Variants in TJP1 observed in about 807,000 individuals in gnomAD.
TJP1 encodes the protein tight junction protein ZO-1.
TJP1 carries 43 observed loss-of-function variants against 194.2 expected under a neutral mutation model. The observed-to-expected ratio is 0.22, with a 90% CI of 0.17 to 0.29. TJP1 has a LOEUF of 0.29. TJP1 is among the 10% of genes least tolerant of loss of function. The pLI is 1.00. For synonymous variants in TJP1, 801 were observed against 779.0 expected (o/e 1.03, Z -0.47); for missense variants, 1,971 against 2,185.7 (o/e 0.90, Z 1.96).
At position 29,720,491 on chromosome 15, in the gene TJP1, G is replaced by A. The variant is rs1410814511; in HGVS notation, c.2630C>T (p.Ser877Phe). 1.2e-6 allele frequency: 2 copies of A among 1,613,990 alleles called. No homozygotes were observed. Among genetic ancestry groups the A allele is most frequent in the Non-Finnish European group, 1.7e-6 (2 of 1,180,030 alleles). Residue 877 changes from serine to phenylalanine, a missense_variant, in exon 19 of 28, where the codon TCC (serine) becomes TTC (phenylalanine). By Grantham distance (155) the Ser-to-Phe change is radical. Transcript: ENST00000614355. ...GGAGTCCTCTCTTACAGGCTCAGAG[G>A]ACCGTGTAATGGCAGACTCCGGTGG... ...GTPPESAITR[S>F]SEPVREDSSG... is the part of the protein sequence containing the mutation.
At chr15:29,959,180 G>A (rs112272298) in intron 1 of TJP1, among the ~76,000 whole-genome samples, 14,362 of 151,522 alleles carry the variant, frequency 0.095, 806 homozygotes, top group South Asian at 0.16. Flanking sequence ...TAGTAGAGAC[G>A]GGGTTTCACC....
At chr15:29,771,455 G>A (rs1172872955) in intron 4 of TJP1, among the ~76,000 whole-genome samples, 1 of 152,116 alleles carries the variant, frequency 6.6e-6, no homozygotes, top group Non-Finnish European at 1.5e-5. Context: ...CCAAAACATT[G>A]TCATGTAGCA....
At chr15:29,836,766 T>C (rs1392443338) in intron 2 of TJP1, among the ~76,000 whole-genome samples, 1 of 152,200 alleles carries the variant, frequency 6.6e-6, no homozygotes, top group East Asian at 1.9e-4. Flanking sequence ...ATGAGATTAC[T>C]GACCTGATAA....
At chr15:29,842,823 C>T (rs2051272635) in intron 2 of TJP1, among the ~76,000 whole-genome samples, 1 of 152,150 alleles carries the variant, frequency 6.6e-6, no homozygotes, top group Non-Finnish European at 1.5e-5. Context: ...CCTTTCTTTT[C>T]CACATAGAAG....
At chr15:29,811,440 G>T (rs1455264718) in intron 1 of TJP1, among the ~76,000 whole-genome samples, 2 of 142,912 alleles carry the variant, frequency 1.4e-5, no homozygotes, top group African/African-American at 2.6e-5. Context: ...GGGGTGGGGG[G>T]GTGGTGGGAG....
chr15:29,901,820 CAAA>C (rs35491657), intron 2 of TJP1, among the ~76,000 whole-genome samples: 19 of 119,954 alleles, frequency 1.6e-4, no homozygotes, highest in Admixed American at 4.4e-4. Context: ...GACTCTATCT[CAAA>C]AAAAAAAAAA....
intron 2 of TJP1, among the ~76,000 whole-genome samples, chr15:29,943,456 C>T (rs2055156071): frequency 6.6e-6 from 1 of 151,604 alleles, no homozygotes; most frequent in African/African-American, 2.4e-5. Flanking sequence ...GGTGAAACCT[C>T]GTCTCTACTG....
At chr15:29,880,683 G>T (rs550164361) in intron 2 of TJP1, among the ~76,000 whole-genome samples, 11 of 152,232 alleles carry the variant, frequency 7.2e-5, no homozygotes, top group African/African-American at 2.6e-4. Flanking sequence ...TCAAATAAAT[G>T]GAGTTATGCA....
chr15:29,713,521 A>C (rs1041797880), intron 23 of TJP1, among the ~76,000 whole-genome samples: 4 of 152,254 alleles, frequency 2.6e-5, no homozygotes, highest in African/African-American at 9.6e-5. Context: ...AGCACACATC[A>C]TCTGAAGGAA....
intron 1 of TJP1, chr15:29,968,280 C>A (rs1258103944): frequency 1.0e-6 from 1 of 985,236 alleles, no homozygotes; most frequent in African/African-American, 1.7e-5. Context: ...CCAATGAATT[C>A]TTCTGCTGTC....
chr15:29,773,877 A>T (rs919266931), intron 2 of TJP1, among the ~76,000 whole-genome samples: 1 of 152,258 alleles, frequency 6.6e-6, no homozygotes, highest in Non-Finnish European at 1.5e-5. Context: ...ATACAATAGA[A>T]GGTGTACATT....
intron 2 of TJP1, among the ~76,000 whole-genome samples, chr15:29,798,035 G>A (rs1366546471): frequency 6.6e-6 from 1 of 152,188 alleles, no homozygotes; most frequent in South Asian, 2.1e-4. Flanking sequence ...ATGCAATGGC[G>A]TGATCTCGGC....
chr15:29,962,940 G>A (rs1202511785), intron 1 of TJP1, among the ~76,000 whole-genome samples: 1 of 152,166 alleles, frequency 6.6e-6, no homozygotes, highest in Non-Finnish European at 1.5e-5. Flanking sequence ...AGGAGTTTGA[G>A]ACCAGCCTGG....
intron 2 of TJP1, among the ~76,000 whole-genome samples, chr15:29,850,625 G>A (rs957602391): frequency 1.3e-4 from 19 of 151,214 alleles, no homozygotes; most frequent in East Asian, 2.0e-4. Flanking sequence ...ATGAGCCACC[G>A]CGCCCAGCCA....
chr15:29,809,640 T>C (rs770181198), intron 1 of TJP1, among the ~76,000 whole-genome samples: 23 of 151,908 alleles, frequency 1.5e-4, no homozygotes, highest in Non-Finnish European at 3.1e-4. Context: ...AAGTCAGGAG[T>C]TCGAGACCAG....
intron 2 of TJP1, chr15:29,956,220 C>T: frequency 8.0e-7 from 1 of 1,251,238 alleles, no homozygotes; most frequent in Non-Finnish European, 1.0e-6. Context: ...AAGCATTGAT[C>T]AGTCCACTTA....
chr15:29,775,710 A>C (rs573589528), intron 2 of TJP1, among the ~76,000 whole-genome samples: 1 of 152,212 alleles, frequency 6.6e-6, no homozygotes, highest in Non-Finnish European at 1.5e-5. Context: ...AAAAATAAAC[A>C]ATTAGAGACA....
Position 29,786,339 on chromosome 15 carries a change from TC to T in TJP1, c.85-12983del, listed in dbSNP as rs555263287. On this transcript the variant is annotated intron_variant, in intron 2 of 27. Coordinates refer to ENST00000614355, the MANE Select transcript of TJP1 (RefSeq NM_001330239.4). ...CCCCTTCTTTAAGACTGTCATTTTC[TC>T]TATAAAATTAGCCTCACCACCAATG... Among the ~76,000 whole-genome samples the T allele has an allele frequency of 7.9e-5, 12 of 152,328 alleles. No individual in the cohort carries two copies. In the East Asian group the frequency reaches 2.3e-3, roughly 29 times the overall value.
intron 2 of TJP1, among the ~76,000 whole-genome samples, chr15:29,907,520 A>C (rs2053856898): frequency 6.6e-6 from 1 of 152,208 alleles, no homozygotes. Context: ...GAGCGATGAG[A>C]TTATGCACAA....
Sources: gnomAD v4.1 joint callset for allele counts (sites outside exome capture counted in the v4.1 genomes callset) on GRCh38, gnomAD v4.1.1 for gene constraint, MANE v1.5 for transcripts, NCBI Gene and HGNC (gene_info 2026-07-23, HGNC 2026-07-21) for gene names.